NAT1: variants seen among roughly 807,000 people sequenced by gnomAD.
NAT1 encodes arylamine N-acetyltransferase 1.
For synonymous variants in NAT1, 144 were observed against 122.6 expected (o/e 1.17, Z -1.16); for missense variants, 400 against 339.2 (o/e 1.18, Z -1.41).
At chr8:18,198,642 G>A (rs1438070763) in intron 2 of NAT1, among the ~76,000 whole-genome samples, 1 of 152,132 alleles carries the variant, frequency 6.6e-6, no homozygotes, top group African/African-American at 2.4e-5. Flanking sequence ...AAGTATAATT[G>A]ACAAACAAAA....
Position 18,222,126 on chromosome 8 carries a change from A to T in NAT1, c.79A>T (p.Ile27Phe). Residue 27 changes from isoleucine (I) to phenylalanine (F), a missense_variant, in exon 3 of 3, where the codon ATT becomes TTT. Physicochemically the swap from Ile to Phe is conservative, Grantham distance 21 (BLOSUM62 0). Transcript: ENST00000307719. ...NKLDLETLTDILQHQIRAVPF... is the reference protein window; with the variant it reads ...NKLDLETLTDFLQHQIRAVPF... Reference sequence around the variant, plus strand: ...ATTGGACTTGGAAACATTAACTGACATTCTTCAACACCAGATCCGAGCTGT... The same window carrying T: ...ATTGGACTTGGAAACATTAACTGACTTTCTTCAACACCAGATCCGAGCTGT... 6.2e-7 allele frequency: 1 copy of T among 1,614,160 alleles called. No individual in the cohort carries two copies. Among genetic ancestry groups the T allele is most frequent in the Non-Finnish European group, 8.5e-7 (1 of 1,179,988 alleles).
intron 1 of NAT1, among the ~76,000 whole-genome samples, chr8:18,217,700 A>G (rs1443889458): frequency 6.6e-6 from 1 of 152,198 alleles, no homozygotes; most frequent in Admixed American, 6.5e-5. Flanking sequence ...GGTAGTGAGT[A>G]TAGCTGATAA....
At chr8:18,208,690 T>G (rs1165478014), upstream of NAT1, among the ~76,000 whole-genome samples, 2 of 152,124 alleles carry the variant, frequency 1.3e-5, no homozygotes, top group East Asian at 3.9e-4. Context: ...AATGTTAGTG[T>G]GGGATTTTGC....
At chr8:18,172,522 A>C (rs1802136744) in intron 2 of NAT1, among the ~76,000 whole-genome samples, 1 of 152,122 alleles carries the variant, frequency 6.6e-6, no homozygotes, top group Non-Finnish European at 1.5e-5. Context: ...GTCAAAACTA[A>C]TACATGCTAT....
chr8:18,222,115 CAT>C lies in NAT1; in HGVS notation c.69_70del (p.Leu24AsnfsTer2), dbSNP rs1805365489. The C allele has an allele frequency of 6.2e-7, 1 of 1,613,956 alleles. No individual in the cohort carries two copies. Among genetic ancestry groups the C allele is most frequent in the Admixed American group, 1.7e-5 (1 of 59,994 alleles). On this transcript the variant is annotated frameshift_variant, in exon 3 of 3. Transcript: ENST00000307719. LOFTEE classifies it low-confidence loss of function (END_TRUNC). ...TCTAGGAACAAATTGGACTTGGAAACATTAACTGACATTCTTCAACACCAGAT... is the reference window on the plus strand; with the variant it reads ...TCTAGGAACAAATTGGACTTGGAAACTAACTGACATTCTTCAACACCAGAT...
In NAT1 at chr8:18,174,800, C is replaced by T. The variant is rs547677825; in HGVS notation, n.92+4061C>T. Among the ~76,000 whole-genome samples the T allele has an allele frequency of 2.0e-5, 3 of 152,134 alleles. No homozygotes were observed. The South Asian group carries it at 6.2e-4, about 32-fold the overall frequency. The stretch of plus-strand genomic sequence containing the variant: ...AAACCTCAGCACACAAGCCTAAGCC[C>T]CATCTTTTACAGAAAAGGATTGGCT... On this transcript the variant is annotated intron_variant and non_coding_transcript_variant, in intron 2 of 4. Coordinates refer to the NAT1 transcript ENST00000517441.
intron 2 of NAT1, among the ~76,000 whole-genome samples, chr8:18,173,812 C>T (rs1274041437): frequency 6.6e-6 from 1 of 152,052 alleles, no homozygotes; most frequent in African/African-American, 2.4e-5. Flanking sequence ...TCTCGACTAC[C>T]CCATAACATC....
chr8:18,198,992 GC>G (rs1310141225), intron 2 of NAT1, among the ~76,000 whole-genome samples: 1 of 152,030 alleles, frequency 6.6e-6, no homozygotes, highest in Non-Finnish European at 1.5e-5. Context: ...AGGGCCTTCT[GC>G]TTTTAGTCAA....
At chr8:18,184,082 T>A (rs2117230771) in intron 2 of NAT1, among the ~76,000 whole-genome samples, 1 of 152,216 alleles carries the variant, frequency 6.6e-6, no homozygotes, top group East Asian at 1.9e-4. Context: ...CACTAGGCAT[T>A]ACCTTGATGA....
chr8:18,180,772 A>G (rs1802480237), intron 2 of NAT1, among the ~76,000 whole-genome samples: 1 of 152,182 alleles, frequency 6.6e-6, no homozygotes, highest in Admixed American at 6.5e-5. Context: ...CCTCATAAAT[A>G]TATGTAATTA....
intron 2 of NAT1, among the ~76,000 whole-genome samples, chr8:18,179,305 T>G (rs1475722451): frequency 6.6e-6 from 1 of 152,024 alleles, no homozygotes; most frequent in African/African-American, 2.4e-5. Flanking sequence ...GCAGATAAGG[T>G]GAAAAGGTAG....
chr8:18,205,219 G>C (rs976422247), upstream of NAT1, among the ~76,000 whole-genome samples: 2 of 152,240 alleles, frequency 1.3e-5, no homozygotes, highest in African/African-American at 4.8e-5. Flanking sequence ...CTGAGGCAGA[G>C]TGCTAGCAGG....
At chr8:18,196,080 T>C (rs552763741) in intron 2 of NAT1, among the ~76,000 whole-genome samples, 5 of 152,212 alleles carry the variant, frequency 3.3e-5, no homozygotes, top group African/African-American at 1.2e-4. Context: ...TTAATAAATA[T>C]ACAGCAATTT....
chr8:18,178,408 A>G (rs764967202), intron 2 of NAT1, among the ~76,000 whole-genome samples: 9 of 152,120 alleles, frequency 5.9e-5, no homozygotes, highest in Non-Finnish European at 1.3e-4. Context: ...TTGATATACT[A>G]TTTTATTTCT....
In NAT1 at chr8:18,214,494, G is replaced by C. The variant is rs140746197; in HGVS notation, c.-86+4314G>C. ...TTGTGTAACATTCTCTTGCTGTCCT[G>C]ATGTTTTCTCTTTCATGAAATATTT... On this transcript the variant is annotated intron_variant, in intron 1 of 2. Transcript: ENST00000307719. 2.3e-3 allele frequency among the ~76,000 whole-genome samples: 345 copies of C among 152,250 alleles called. 3 individuals are homozygous for C. The highest frequency in any genetic ancestry group is 3.4e-3 in the Middle Eastern group (1 of 294).
chr8:18,207,237 C>T (rs146815739), upstream of NAT1, among the ~76,000 whole-genome samples: 20 of 152,004 alleles, frequency 1.3e-4, no homozygotes, highest in East Asian at 3.1e-3. Context: ...TCTATGTGTC[C>T]GTTTTTGTAT....
At chr8:18,179,250 T>C (rs1218270312) in intron 2 of NAT1, among the ~76,000 whole-genome samples, 2 of 152,076 alleles carry the variant, frequency 1.3e-5, no homozygotes, top group Non-Finnish European at 2.9e-5. Context: ...ACTCTTCATA[T>C]CCTCAATGTG....
chr8:18,179,394 T>C (rs1283079017), intron 2 of NAT1, among the ~76,000 whole-genome samples: 2 of 152,188 alleles, frequency 1.3e-5, no homozygotes, highest in African/African-American at 2.4e-5. Flanking sequence ...GCATTTTCTA[T>C]GGCCACTCAA....
At position 18,187,002 on chromosome 8, in the gene NAT1, G is replaced by A. The variant is rs567065224; in HGVS notation, n.92+16263G>A. Among the ~76,000 whole-genome samples, 79 of 152,232 alleles carry A rather than the reference G, an allele frequency of 5.2e-4. 3 individuals carry two copies. The East Asian group carries it at 0.011, about 21-fold the overall frequency. On this transcript the variant is annotated intron_variant and non_coding_transcript_variant, in intron 2 of 4. Transcript: ENST00000517441. ...AAGTAAGCTGTTCCTTGTGCCTGAG[G>A]AGTTGGTGACTCTTGATTTCATTTG...
Sources: allele counts gnomAD v4.1 joint callset (sites outside exome capture counted in the v4.1 genomes callset), GRCh38; gene constraint gnomAD v4.1.1; transcripts MANE v1.5; gene names NCBI Gene and HGNC (gene_info 2026-07-23, HGNC 2026-07-21).